STK32B: variants seen among roughly 807,000 people sequenced by gnomAD.
The protein encoded by STK32B is serine/threonine-protein kinase 32B.
In STK32B, 43 loss-of-function variants were observed where a neutral mutation model predicts 52.6. The ratio of observed to expected loss-of-function variants is 0.82; its 90% CI spans 0.64 to 1.05. STK32B has a LOEUF of 1.05. STK32B is among the 50% of genes least tolerant of loss of function. The pLI, the probability that STK32B is intolerant of heterozygous loss-of-function variation, is 0.00. For missense variants in STK32B, 621 were observed against 534.6 expected (o/e 1.16, Z -1.59); for synonymous variants, 238 against 204.3 (o/e 1.17, Z -1.41).
chr4:5,094,542 T>C (rs1713274595), intron 1 of STK32B, among the ~76,000 whole-genome samples: 1 of 152,132 alleles, frequency 6.6e-6, no homozygotes, highest in Non-Finnish European at 1.5e-5. Context: ...CAGACCCAGC[T>C]ACTTGGGAGG....
Position 5,293,348 on chromosome 4 carries a change from C to A in STK32B, c.261-37872C>A, listed in dbSNP as rs146276491. Among the ~76,000 whole-genome samples, 1,491 of 152,132 alleles carry A rather than the reference C, an allele frequency of 9.8e-3. 15 individuals carry two copies. The highest frequency in any genetic ancestry group is 0.016 in the Non-Finnish European group (1,096 of 67,980). The stretch of plus-strand genomic sequence containing the variant: ...TCAAATGGTATTTTTGGTTCTAGAT[C>A]CTTCAGGAATCTCCACACTGTCTTC... On this transcript the variant is annotated intron_variant, in intron 3 of 11. Coordinates refer to ENST00000282908, the MANE Select transcript of STK32B (RefSeq NM_018401.3).
At chr4:5,159,705 GA>G (rs1440482134) in intron 2 of STK32B, among the ~76,000 whole-genome samples, 1 of 92,204 alleles carries the variant, frequency 1.1e-5, no homozygotes, top group African/African-American at 5.8e-5. Context: ...GAATATATAT[GA>G]ATATATATAT....
chr4:5,038,551 G>A, the STK32B span, among the ~76,000 whole-genome samples: 1 of 152,186 alleles, frequency 6.6e-6, no homozygotes, highest in Non-Finnish European at 1.5e-5. Context: ...GCATGCTACT[G>A]TACTGAACAC....
intron 11 of STK32B, among the ~76,000 whole-genome samples, chr4:5,488,323 A>C (rs1449551006): frequency 6.6e-6 from 1 of 152,184 alleles, no homozygotes; most frequent in Non-Finnish European, 1.5e-5. Flanking sequence ...TCAATGTAAG[A>C]TTTTATGGTG....
chr4:5,205,690 C>T (rs16836838), intron 3 of STK32B, among the ~76,000 whole-genome samples: 1 of 97,308 alleles, frequency 1.0e-5, no homozygotes, highest in Non-Finnish European at 2.3e-5. Flanking sequence ...CAGTTCTAGA[C>T]CAGGCGCGCG....
intron 4 of STK32B, among the ~76,000 whole-genome samples, chr4:5,341,691 C>G (rs1235719307): frequency 6.6e-6 from 1 of 152,082 alleles, no homozygotes; most frequent in African/African-American, 2.4e-5. Flanking sequence ...GCTTAATTAG[C>G]TCATGGTTCT....
intron 3 of STK32B, among the ~76,000 whole-genome samples, chr4:5,317,448 AATAT>A (rs1163854405): frequency 2.4e-4 from 9 of 38,204 alleles, no homozygotes; most frequent in South Asian, 1.3e-3. Context: ...ATATATACAT[AATAT>A]ATATAATATA....
intron 3 of STK32B, among the ~76,000 whole-genome samples, chr4:5,323,640 C>T (rs13435480): frequency 0.18 from 27,073 of 152,078 alleles, 2,935 homozygotes; most frequent in African/African-American, 0.29. Context: ...CTGTACAATG[C>T]CCCACTTCTG....
Position 5,138,178 on chromosome 4 carries a change from G to A in STK32B, c.53-1727G>A, listed in dbSNP as rs140718984. Among the ~76,000 whole-genome samples, 632 of 152,276 alleles carry A rather than the reference G, an allele frequency of 4.2e-3. 6 individuals are homozygous for A. Among genetic ancestry groups the A allele is most frequent in the African/African-American group, 0.014 (596 of 41,576 alleles). ...AATAAATCTAAATCAAAGAACCAAG[G>A]TTTTAGTAAGTTAACCATTAACTCC... is the stretch of plus-strand genomic sequence containing the variant. On this transcript the variant is annotated intron_variant, in intron 1 of 11. Transcript: ENST00000282908.
chr4:5,410,449 C>T (rs566252823), intron 5 of STK32B, among the ~76,000 whole-genome samples: 1 of 152,350 alleles, frequency 6.6e-6, no homozygotes, highest in South Asian at 2.1e-4. Context: ...CATCCTAACT[C>T]TTGGTCTTCC....
chr4:5,075,169 T>C (rs1409465783), intron 1 of STK32B, among the ~76,000 whole-genome samples: 2 of 152,188 alleles, frequency 1.3e-5, no homozygotes, highest in East Asian at 1.9e-4. Context: ...AATGTGATTA[T>C]TGGAATAAAG....
intron 11 of STK32B, among the ~76,000 whole-genome samples, chr4:5,486,195 CAG>C (rs775202325): frequency 2.0e-4 from 30 of 152,324 alleles, no homozygotes; most frequent in Non-Finnish European, 4.0e-4. Flanking sequence ...GGTGGAGTCT[CAG>C]AGGCAGGCTG....
chr4:5,311,674 A>T (rs576683585), intron 3 of STK32B, among the ~76,000 whole-genome samples: 10 of 152,258 alleles, frequency 6.6e-5, no homozygotes, highest in African/African-American at 2.4e-4. Flanking sequence ...CATAATTTTG[A>T]TAGCTTAGAA....
chr4:5,253,977 G>T (rs995107412), intron 3 of STK32B, among the ~76,000 whole-genome samples: 2 of 151,854 alleles, frequency 1.3e-5, no homozygotes, highest in Non-Finnish European at 2.9e-5. Context: ...AGTAGAGACA[G>T]GGTCTCACCA....
chr4:5,249,441 A>ACCTACCTT (rs1182902469), intron 3 of STK32B, among the ~76,000 whole-genome samples: 351 of 137,382 alleles, frequency 2.6e-3, no homozygotes, highest in Non-Finnish European at 4.4e-3. Flanking sequence ...CTTCCTACCT[A>ACCTACCTT]CCTTCCTTCC....
At chr4:5,456,764 A>C (rs760919324) in intron 7 of STK32B, 43 bp from the exon 8 acceptor site, 10 of 1,500,548 alleles carry the variant, frequency 6.7e-6, no homozygotes, top group Non-Finnish European at 9.0e-6. Flanking sequence ...GGTGCCTTCC[A>C]ATGGCTCTCT....
intron 3 of STK32B, among the ~76,000 whole-genome samples, chr4:5,241,575 T>C (rs987449099): frequency 4.0e-5 from 6 of 149,608 alleles, no homozygotes; most frequent in African/African-American, 1.2e-4. Context: ...ATTTTATTTA[T>C]TTTTTTAATT....
chr4:5,331,428 G>A (rs775836066), intron 4 of STK32B, 35 bp downstream of exon 4: 1 of 1,582,230 alleles, frequency 6.3e-7, no homozygotes. Context: ...CTGGGACAGA[G>A]GGACCATGGG....
intron 3 of STK32B, among the ~76,000 whole-genome samples, chr4:5,285,031 A>C (rs1197647909): frequency 6.6e-6 from 1 of 152,218 alleles, no homozygotes; most frequent in Admixed American, 6.5e-5. Context: ...ATAAACAGAG[A>C]TGTAAACTTA....
Sources: gnomAD v4.1 joint callset for allele counts (sites outside exome capture counted in the v4.1 genomes callset) on GRCh38, gnomAD v4.1.1 for gene constraint, MANE v1.5 for transcripts, NCBI Gene and HGNC (gene_info 2026-07-23, HGNC 2026-07-21) for gene names.